The following RHOU variants were observed in gnomAD, a reference collection of about 807,000 sequenced individuals.
RHOU encodes the protein rho-related GTP-binding protein RhoU.
RHOU carries 8 observed loss-of-function variants against 12.6 expected under a neutral mutation model. The ratio of observed to expected loss-of-function variants is 0.64; its 90% CI spans 0.37 to 1.15. The LOEUF (loss-of-function observed/expected upper bound fraction) is 1.15, where lower values mean the gene tolerates loss of function less well. Among genes scored for constraint, RHOU ranks in the 50% most tolerant of loss-of-function variants. The probability of loss-of-function intolerance (pLI) is 0.01; values close to 1 mark genes in which losing one functional copy is unlikely to be tolerated. For synonymous variants in RHOU, 161 were observed against 147.4 expected, an observed-to-expected ratio of 1.09 and a Z score of -0.67; for missense variants, 258 against 347.0, an observed-to-expected ratio of 0.74 and a Z score of 2.04.
the RHOU span, among the ~76,000 whole-genome samples, chr1:228,697,680 C>CT: frequency 6.6e-6 from 1 of 152,180 alleles, no homozygotes; most frequent in Non-Finnish European, 1.5e-5. Context: ...TTGAAGAGCT[C>CT]TGTAGTCACT....
chr1:228,686,447 T>G, the RHOU span, among the ~76,000 whole-genome samples: 3 of 152,164 alleles, frequency 2.0e-5, no homozygotes, highest in Non-Finnish European at 4.4e-5. Context: ...TAAAAATATA[T>G]AAAATACAAT....
the RHOU span, among the ~76,000 whole-genome samples, chr1:228,708,226 AAC>A: frequency 2.0e-5 from 3 of 152,222 alleles, no homozygotes; most frequent in Non-Finnish European, 4.4e-5. Context: ...CAAGTTGGAA[AAC>A]ACTCTGCAGG....
upstream of RHOU, among the ~76,000 whole-genome samples, chr1:228,732,872 A>T (rs956959190): frequency 3.3e-5 from 5 of 152,246 alleles, no homozygotes; most frequent in African/African-American, 1.2e-4. Flanking sequence ...ACAAAAACAA[A>T]TGTTTAAAGT....
the RHOU span, among the ~76,000 whole-genome samples, chr1:228,729,424 C>T: frequency 7.9e-5 from 12 of 152,252 alleles, no homozygotes; most frequent in African/African-American, 1.2e-4. Flanking sequence ...TGCCATTATA[C>T]GCATTTGTTC....
chr1:228,711,623 T>G, the RHOU span, among the ~76,000 whole-genome samples: 4 of 152,252 alleles, frequency 2.6e-5, no homozygotes, highest in African/African-American at 2.4e-5. Flanking sequence ...AAGCTGAAAC[T>G]GGATCCTTTC....
chr1:228,704,920 C>T, the RHOU span, among the ~76,000 whole-genome samples: 1 of 152,158 alleles, frequency 6.6e-6, no homozygotes, highest in African/African-American at 2.4e-5. Context: ...CCTGCCTCAG[C>T]CTCCCAAGTA....
Position 228,743,499 on chromosome 1 carries a change from A to C in RHOU, c.536A>C (p.Lys179Thr). 6.2e-7 allele frequency: 1 copy of C among 1,614,210 alleles called. No individual in the cohort carries two copies. Among genetic ancestry groups the C allele is most frequent in the Non-Finnish European group, 8.5e-7 (1 of 1,180,044 alleles). Residue 179 changes from lysine to threonine, a missense_variant, in exon 3 of 3, where the codon AAA becomes ACA. By Grantham distance (78) the Lys-to-Thr change is moderately conservative. Transcript: ENST00000366691. The surrounding 1 kb of genome is among the most constrained non-coding windows in gnomAD (Gnocchi z 5.1). ...VKVLIELDKCKEKPVPEEAAK... is the reference protein window; with the variant it reads ...VKVLIELDKCTEKPVPEEAAK... ...GTCCTCATTGAGTTGGACAAATGCA[A>C]AGAAAAGCCAGTGCCTGAAGAGGCG... is the stretch of plus-strand genomic sequence containing the variant.
chr1:228,711,943 G>T, the RHOU span, among the ~76,000 whole-genome samples: 1 of 140,118 alleles, frequency 7.1e-6, no homozygotes, highest in Non-Finnish European at 1.5e-5. Flanking sequence ...AATCTACAAT[G>T]AACTCAAACA....
At chr1:228,677,196 G>T in the RHOU span, among the ~76,000 whole-genome samples, 1 of 152,124 alleles carries the variant, frequency 6.6e-6, no homozygotes, top group Admixed American at 6.5e-5. Context: ...TTGTGGGGTT[G>T]TTAGAAGGAG....
At chr1:228,725,288 G>A in the RHOU span, among the ~76,000 whole-genome samples, 2 of 152,186 alleles carry the variant, frequency 1.3e-5, no homozygotes, top group Non-Finnish European at 2.9e-5. Context: ...TTCCTAGGAA[G>A]GAATAGCCCA....
the RHOU span, among the ~76,000 whole-genome samples, chr1:228,704,444 T>C: frequency 2.0e-5 from 3 of 152,122 alleles, no homozygotes; most frequent in Non-Finnish European, 2.9e-5. Context: ...ATTAGTCAAT[T>C]TTTTTTATTT....
At chr1:228,648,938 C>T in the RHOU span, among the ~76,000 whole-genome samples, 5 of 151,624 alleles carry the variant, frequency 3.3e-5, no homozygotes, top group Admixed American at 2.6e-4. Flanking sequence ...GATCTCGGCT[C>T]ACCGCAACCT....
At chr1:228,718,100 A>C in the RHOU span, among the ~76,000 whole-genome samples, 1 of 152,200 alleles carries the variant, frequency 6.6e-6, no homozygotes, top group Non-Finnish European at 1.5e-5. Context: ...GGGGACACTT[A>C]AATTAGAGAT....
chr1:228,684,725 C>T, the RHOU span, among the ~76,000 whole-genome samples: 1 of 152,126 alleles, frequency 6.6e-6, no homozygotes, highest in Non-Finnish European at 1.5e-5. Context: ...AACATGCAGG[C>T]TCTGGTAATA....
the RHOU span, among the ~76,000 whole-genome samples, chr1:228,719,161 A>G: frequency 6.6e-6 from 1 of 152,172 alleles, no homozygotes; most frequent in Admixed American, 6.6e-5. Context: ...GAGACTTAGA[A>G]AAACATCCTT....
chr1:228,671,833 C>T, the RHOU span, among the ~76,000 whole-genome samples: 19 of 151,884 alleles, frequency 1.3e-4, no homozygotes, highest in East Asian at 3.5e-3. Context: ...CATATTTGTA[C>T]CAGGTATAGT....
At chr1:228,735,228 T>G (rs2102714055), upstream of RHOU, 2 of 152,318 alleles carry the variant, frequency 1.3e-5, no homozygotes, top group Admixed American at 1.3e-4. This position sits in a 1 kb window ranked among gnomAD's most constrained non-coding sequence, Gnocchi z 8.1. Flanking sequence ...CGGGCGTCGC[T>G]TCCCGGACCG....
the RHOU span, among the ~76,000 whole-genome samples, chr1:228,711,861 A>C: frequency 6.8e-6 from 1 of 146,566 alleles, no homozygotes; most frequent in Admixed American, 6.9e-5. Flanking sequence ...CTACCATCAG[A>C]GTGAACAGGC....
chr1:228,660,051 G>A, the RHOU span, among the ~76,000 whole-genome samples: 4 of 151,916 alleles, frequency 2.6e-5, no homozygotes, highest in African/African-American at 9.7e-5. Context: ...CTACTCAGGA[G>A]GCTGAGGTAG....
Sources: gnomAD v4.1 joint callset for allele counts (sites outside exome capture counted in the v4.1 genomes callset) on GRCh38, gnomAD v4.1.1 for gene constraint, Gnocchi (gnomAD v3.1) non-coding constraint, MANE v1.5 for transcripts, NCBI Gene and HGNC (gene_info 2026-07-23, HGNC 2026-07-21) for gene names.